The following KRT7 variants were observed in gnomAD, a reference collection of about 807,000 sequenced individuals.
The protein encoded by KRT7 is keratin, type II cytoskeletal 7.
In KRT7, 50 loss-of-function variants were observed where a neutral mutation model predicts 42.8. The ratio of observed to expected loss-of-function variants is 1.17; its 90% CI spans 0.93 to 1.48. The LOEUF (loss-of-function observed/expected upper bound fraction) is 1.48, where lower values mean the gene tolerates loss of function less well. Ranked by LOEUF, KRT7 falls within the 40% of genes most tolerant of loss-of-function variation. KRT7 has a pLI of 0.00. For synonymous variants in KRT7, 268 were observed against 266.3 expected (o/e 1.01, Z -0.06); for missense variants, 588 against 637.6 (o/e 0.92, Z 0.84).
At chr12:52,251,411 C>G (rs1036190351), downstream of KRT7, among the ~76,000 whole-genome samples, 1 of 152,192 alleles carries the variant, frequency 6.6e-6, no homozygotes, top group Admixed American at 6.5e-5. Flanking sequence ...ACGAAAATCT[C>G]GTAAGTTTTA....
chr12:52,235,135 C>T lies in KRT7; in HGVS notation c.325-20C>T. 1 of 1,612,896 alleles carries T rather than the reference C, an allele frequency of 6.2e-7. No homozygotes were observed. Among genetic ancestry groups the T allele is most frequent in the Non-Finnish European group, 8.5e-7 (1 of 1,179,258 alleles). ...CACGCTCTGGCTCCTCTTGAGTTTC[C>T]TCCTTCTCGCCCGTTCTAGGTGCGG... On this transcript the variant is annotated intron_variant, in intron 1 of 8. Transcript: ENST00000331817.
chr12:52,247,746 A>G (rs917322756), intron 7 of KRT7: 1 of 193,576 alleles, frequency 5.2e-6, no homozygotes, highest in Non-Finnish European at 1.1e-5. Flanking sequence ...TACTGGGGAT[A>G]AAAGTATCAA....
chr12:52,243,888 C>T (rs1320011034), intron 6 of KRT7, among the ~76,000 whole-genome samples: 1 of 152,244 alleles, frequency 6.6e-6, no homozygotes, highest in African/African-American at 2.4e-5. Context: ...GAGCAGGGAC[C>T]CTGTCTGTCT....
chr12:52,251,095 T>C (rs1942260283), downstream of KRT7, among the ~76,000 whole-genome samples: 1 of 152,206 alleles, frequency 6.6e-6, no homozygotes, highest in African/African-American at 2.4e-5. Context: ...TTCTCCTGCC[T>C]CAGCCTCCCT....
At chr12:52,253,505 AG>A (rs1237113313), downstream of KRT7, 55 of 1,568,114 alleles carry the variant, frequency 3.5e-5, no homozygotes, top group Non-Finnish European at 4.3e-5. Flanking sequence ...TCCCATCCGT[AG>A]GGACCAGAAT....
chr12:52,255,054 G>C (rs149762048), downstream of KRT7, among the ~76,000 whole-genome samples: 1 of 152,244 alleles, frequency 6.6e-6, no homozygotes, highest in Non-Finnish European at 1.5e-5. Flanking sequence ...GCGCAGGGCC[G>C]AAGGAGGTGA....
intron 5 of KRT7, among the ~76,000 whole-genome samples, chr12:52,242,162 G>A (rs555424846): frequency 9.2e-5 from 14 of 152,102 alleles, no homozygotes; most frequent in African/African-American, 2.7e-4. Flanking sequence ...GAGTAGAGAC[G>A]AGGTTTCACC....
chr12:52,245,129 T>G (rs1942148994), intron 6 of KRT7: 1 of 537,578 alleles, frequency 1.9e-6, no homozygotes, highest in Admixed American at 3.6e-5. Flanking sequence ...TCTCATTTCA[T>G]CCTCAAAATC....
intron 2 of KRT7, 93 bp downstream of exon 2, chr12:52,235,459 T>G: frequency 9.1e-7 from 1 of 1,093,690 alleles, no homozygotes; most frequent in South Asian, 1.5e-5. Context: ...GCTTCAGGAA[T>G]CAGCATGCAG....
chr12:52,251,590 A>G (rs763629772), downstream of KRT7, among the ~76,000 whole-genome samples: 1 of 152,246 alleles, frequency 6.6e-6, no homozygotes, highest in Non-Finnish European at 1.5e-5. Context: ...CTGTAACACC[A>G]TGGTAGGTAT....
chr12:52,250,405 G>A, downstream of KRT7: 2 of 407,874 alleles, frequency 4.9e-6, no homozygotes, highest in East Asian at 5.2e-5. Flanking sequence ...TGGGAGCTCC[G>A]GGCTGCCTCT....
chr12:52,237,625 C>G, intron 3 of KRT7, 56 bp downstream of exon 3: 1 of 1,451,230 alleles, frequency 6.9e-7, no homozygotes, highest in Non-Finnish European at 9.6e-7. Flanking sequence ...GACAAAGGAC[C>G]ACAGGATCCT....
downstream of KRT7, among the ~76,000 whole-genome samples, chr12:52,250,178 A>G (rs185969077): frequency 1.2e-4 from 19 of 152,332 alleles, no homozygotes; most frequent in East Asian, 3.7e-3. Flanking sequence ...GTCCCTCAGA[A>G]GCCACAGGCA....
chr12:52,234,121 C>CGGGGGGGGGGGGGGGG (rs1299477013), intron 1 of KRT7, among the ~76,000 whole-genome samples: 2 of 2,990 alleles, frequency 6.7e-4, no homozygotes, highest in African/African-American at 1.5e-3. Context: ...GTCGGTGGGG[C>CGGGGGGGGGGGGGGGG]GGGGGAGGGG....
chr12:52,241,236 C>G (rs1251322324), intron 4 of KRT7, among the ~76,000 whole-genome samples: 1 of 152,170 alleles, frequency 6.6e-6, no homozygotes, highest in East Asian at 1.9e-4. Flanking sequence ...CTTTCCTTAT[C>G]CCCTTTAACC....
downstream of KRT7, among the ~76,000 whole-genome samples, chr12:52,254,554 A>G (rs1276371507): frequency 1.3e-5 from 2 of 152,168 alleles, no homozygotes; most frequent in Non-Finnish European, 2.9e-5. Flanking sequence ...CGTCAAGAGC[A>G]GGTTTGGGTA....
At chr12:52,255,285 T>C (rs1942321366), downstream of KRT7, 1 of 455,900 alleles carries the variant, frequency 2.2e-6, no homozygotes, top group Non-Finnish European at 4.4e-6. Flanking sequence ...AACCTTTGGG[T>C]CTAGGACCCT....
Position 52,248,679 on chromosome 12 carries a change from C to T in KRT7, c.1329C>T (p.Phe443=). ...CCATGGGCAGCAATGCCCTGAGCTT[C>T]TCCAGCAGTGCGGGTCCTGGGCTCC... is the stretch of plus-strand genomic sequence containing the variant. ...GGTMGSNALS[F]SSSAGPGLLK... The change falls in exon 9 of 9, where the codon TTC becomes TTT. Residue 443 remains phenylalanine, a synonymous_variant. Coordinates refer to ENST00000331817, the MANE Select transcript of KRT7 (RefSeq NM_005556.4). The T allele has an allele frequency of 1.9e-6, 3 of 1,613,528 alleles. No individual in the cohort carries two copies. The highest frequency in any genetic ancestry group is 1.7e-4 in the Middle Eastern group (1 of 6,052).
chr12:52,252,664 A>G (rs574337938), downstream of KRT7, among the ~76,000 whole-genome samples: 2 of 152,350 alleles, frequency 1.3e-5, no homozygotes, highest in South Asian at 4.1e-4. Flanking sequence ...ATTTAACACA[A>G]TAATTGAAAT....
Sources: gnomAD v4.1 joint callset for allele counts (sites outside exome capture counted in the v4.1 genomes callset) on GRCh38, gnomAD v4.1.1 for gene constraint, MANE v1.5 for transcripts, NCBI Gene and HGNC (gene_info 2026-07-23, HGNC 2026-07-21) for gene names.